The following IMPG1 variants were observed in gnomAD, a reference collection of about 807,000 sequenced individuals.
The protein encoded by IMPG1 is interphotoreceptor matrix proteoglycan of 150 kDa.
In IMPG1, 85 loss-of-function variants were observed where a neutral mutation model predicts 92.0. That is an observed-to-expected ratio of 0.92 (90% CI 0.78 to 1.11). The LOEUF (loss-of-function observed/expected upper bound fraction) is 1.11, where lower values mean the gene tolerates loss of function less well. IMPG1 is among the 50% of genes least tolerant of loss of function. The pLI, the probability that IMPG1 is intolerant of heterozygous loss-of-function variation, is 0.00. For missense variants in IMPG1, 1,022 were observed against 956.0 expected, an observed-to-expected ratio of 1.07 and a Z score of -0.91; for synonymous variants, 367 against 334.1, an observed-to-expected ratio of 1.10 and a Z score of -1.08.
At chr6:75,980,762 C>A (rs917979071) in intron 12 of IMPG1, among the ~76,000 whole-genome samples, 1 of 152,204 alleles carries the variant, frequency 6.6e-6, no homozygotes, top group African/African-American at 2.4e-5. Context: ...CTTCCTTGCT[C>A]CTCAACTTGC....
intron 7 of IMPG1, among the ~76,000 whole-genome samples, chr6:76,012,210 T>C (rs1327715675): frequency 1.3e-5 from 2 of 152,190 alleles, no homozygotes; most frequent in Non-Finnish European, 2.9e-5. Flanking sequence ...TAATATTTTA[T>C]AATTGCTGTA....
intron 7 of IMPG1, among the ~76,000 whole-genome samples, chr6:76,013,810 CA>C (rs899528502): frequency 6.6e-6 from 1 of 152,200 alleles, no homozygotes; most frequent in African/African-American, 2.4e-5. Flanking sequence ...GCCAACTTTA[CA>C]TTGTTCGTGT....
chr6:76,043,269 G>A (rs78099984), intron 1 of IMPG1, among the ~76,000 whole-genome samples: 1,795 of 151,876 alleles, frequency 0.012, 24 homozygotes, highest in African/African-American at 0.041. Flanking sequence ...TCCAAACATG[G>A]GGCTTATAGA....
At chr6:76,004,787 A>G (rs1783062306) in intron 10 of IMPG1, among the ~76,000 whole-genome samples, 1 of 152,142 alleles carries the variant, frequency 6.6e-6, no homozygotes, top group South Asian at 2.1e-4. Flanking sequence ...ATTAGGCAAC[A>G]CTTCAAGTCT....
chr6:75,994,795 T>A (rs1782869807), intron 12 of IMPG1, among the ~76,000 whole-genome samples: 1 of 152,134 alleles, frequency 6.6e-6, no homozygotes. Context: ...CAAAACCATA[T>A]AAACCATATT....
intron 7 of IMPG1, among the ~76,000 whole-genome samples, chr6:76,013,564 T>C (rs1162990278): frequency 1.3e-5 from 2 of 152,134 alleles, no homozygotes; most frequent in African/African-American, 4.8e-5. Context: ...ACTCTAGAGT[T>C]TATTGCAGTA....
chr6:75,932,909 C>G (rs1042279275), intron 14 of IMPG1, among the ~76,000 whole-genome samples: 2 of 152,066 alleles, frequency 1.3e-5, no homozygotes, highest in African/African-American at 4.8e-5. Context: ...CCATGTTGGC[C>G]AGGCTGGTCT....
intron 5 of IMPG1, among the ~76,000 whole-genome samples, chr6:76,023,724 T>A (rs1403072068): frequency 6.6e-6 from 1 of 152,158 alleles, no homozygotes; most frequent in Non-Finnish European, 1.5e-5. Flanking sequence ...ATATATGAAT[T>A]GTCCACTGAT....
chr6:75,926,030 A>C (rs1424835729), intron 15 of IMPG1, among the ~76,000 whole-genome samples: 1 of 152,124 alleles, frequency 6.6e-6, no homozygotes, highest in Non-Finnish European at 1.5e-5. Context: ...CCACCACCTA[A>C]GGCAGCATTT....
intron 13 of IMPG1, among the ~76,000 whole-genome samples, chr6:75,949,841 T>C (rs1036782867): frequency 1.3e-5 from 2 of 152,184 alleles, no homozygotes; most frequent in South Asian, 2.1e-4. Context: ...ATTTAACTTA[T>C]ATGAAGTATA....
intron 14 of IMPG1, among the ~76,000 whole-genome samples, chr6:75,934,656 T>G (rs1781713880): frequency 6.6e-6 from 1 of 152,176 alleles, no homozygotes; most frequent in South Asian, 2.1e-4. Context: ...CAAGACTGCC[T>G]CTTTTTCAAG....
At chr6:76,025,051 T>C (rs763062950) in intron 5 of IMPG1, 143 bp downstream of exon 5, 1 of 653,182 alleles carries the variant, frequency 1.5e-6, no homozygotes, top group Non-Finnish European at 2.7e-6. Flanking sequence ...ATTTAAATTA[T>C]GTTATAAAGT....
At chr6:76,064,759 A>C (rs2127598382) in intron 1 of IMPG1, among the ~76,000 whole-genome samples, 1 of 152,288 alleles carries the variant, frequency 6.6e-6, no homozygotes, top group Admixed American at 6.5e-5. Flanking sequence ...AAGATCAAGC[A>C]TATACCTATC....
chr6:76,005,312 A>G lies in IMPG1; in HGVS notation c.1110T>C (p.Asp370=), dbSNP rs1302976228. The G allele has an allele frequency of 1.9e-6, 3 of 1,613,942 alleles. No individual in the cohort carries two copies. The highest frequency in any genetic ancestry group is 2.7e-5 in the African/African-American group (2 of 74,930). Residue 370 remains aspartate, a synonymous_variant, in exon 10 of 17, where the codon GAT becomes GAC. Coordinates refer to ENST00000369950, the MANE Select transcript of IMPG1 (RefSeq NM_001563.4). ...CATCAGTGAACTGAATTGTCCCCAC[A>G]TCCAAAGATTGTTCTTCCTCTAGTG... The part of the protein sequence containing the change: ...SKALEEEQSL[D]VGTIQFTDEI...
At chr6:75,982,631 A>G (rs982132355) in intron 12 of IMPG1, among the ~76,000 whole-genome samples, 6 of 151,364 alleles carry the variant, frequency 4.0e-5, no homozygotes, top group Admixed American at 6.6e-5. Flanking sequence ...GTATATATAT[A>G]TGTGTGTGTA....
Position 76,005,410 on chromosome 6 carries a change from CAT to C in IMPG1, c.1010_1011del (p.His337ArgfsTer41). ...GGTTGCTTGTCCTCCTCCATGGTTC[CAT>C]GATAGACTTCCTCACTTTCAATTTT... is the stretch of plus-strand genomic sequence containing the variant. ...SNKIESEEVY[H>X]GTMEEDKQPE... On this transcript the variant is annotated frameshift_variant, in exon 10 of 17. Coordinates refer to ENST00000369950, the MANE Select transcript of IMPG1 (RefSeq NM_001563.4). LOFTEE classifies it high-confidence loss of function. 3.1e-6 allele frequency: 5 copies of C among 1,614,056 alleles called. No homozygotes were observed. Among genetic ancestry groups the C allele is most frequent in the Non-Finnish European group, 4.2e-6 (5 of 1,179,976 alleles).
At chr6:76,042,462 A>T (rs1449986989) in intron 1 of IMPG1, among the ~76,000 whole-genome samples, 1 of 152,054 alleles carries the variant, frequency 6.6e-6, no homozygotes, top group Non-Finnish European at 1.5e-5. Flanking sequence ...GTCTCTTATG[A>T]TAGATAATAT....
At chr6:75,972,994 CA>C (rs1186327260) in intron 12 of IMPG1, among the ~76,000 whole-genome samples, 2 of 152,032 alleles carry the variant, frequency 1.3e-5, no homozygotes, top group Admixed American at 6.6e-5. Flanking sequence ...TTTTTTGAGA[CA>C]GGGTCTCATT....
intron 7 of IMPG1, among the ~76,000 whole-genome samples, chr6:76,014,715 G>A (rs1783252698): frequency 6.6e-6 from 1 of 152,088 alleles, no homozygotes; most frequent in Non-Finnish European, 1.5e-5. Flanking sequence ...ACAGTCAATC[G>A]ACCCTGGGAC....
Sources: allele counts gnomAD v4.1 joint callset (sites outside exome capture counted in the v4.1 genomes callset), GRCh38; gene constraint gnomAD v4.1.1; transcripts MANE v1.5; gene names NCBI Gene and HGNC (gene_info 2026-07-23, HGNC 2026-07-21).